TBCEL: variants seen among roughly 807,000 people sequenced by gnomAD.
TBCEL encodes tubulin-specific chaperone cofactor E-like protein.
TBCEL carries 15 observed loss-of-function variants against 44.2 expected under a neutral mutation model. The ratio of observed to expected loss-of-function variants is 0.34; its 90% confidence interval spans 0.23 to 0.52. The LOEUF (loss-of-function observed/expected upper bound fraction) is 0.52, where lower values mean the gene tolerates loss of function less well. Among genes scored for constraint, TBCEL ranks in the 20% least tolerant of loss-of-function variants. TBCEL has a pLI of 0.95. For missense variants in TBCEL, 319 were observed against 506.3 expected (o/e 0.63, Z 3.55); for synonymous variants, 171 against 185.4 (o/e 0.92, Z 0.63).
chr11:121,037,397 C>T, intron 2 of TBCEL, among the ~76,000 whole-genome samples: 1 of 152,066 alleles, frequency 6.6e-6, no homozygotes, highest in East Asian at 1.9e-4. Flanking sequence ...ACATAATGCT[C>T]AAGGGTAATA....
At chr11:121,070,747 A>G (rs973532466) in intron 8 of TBCEL, among the ~76,000 whole-genome samples, 7 of 151,952 alleles carry the variant, frequency 4.6e-5, no homozygotes, top group Admixed American at 2.6e-4. Flanking sequence ...AGAAATACCT[A>G]ATATAAATGA....
intron 2 of TBCEL, among the ~76,000 whole-genome samples, chr11:121,037,362 A>G (rs1945250030): frequency 6.6e-6 from 1 of 152,200 alleles, no homozygotes; most frequent in Admixed American, 6.5e-5. Flanking sequence ...TTTTCATCCA[A>G]AGAGAGCATC....
chr11:121,059,041 A>C (rs1434431988), intron 7 of TBCEL, among the ~76,000 whole-genome samples: 1 of 151,962 alleles, frequency 6.6e-6, no homozygotes, highest in Non-Finnish European at 1.5e-5. Flanking sequence ...CTTTAGCAGA[A>C]ATAAGATTTA....
At position 121,060,058 on chromosome 11, in the gene TBCEL, A is replaced by C. The variant is rs1451038219; in HGVS notation, c.929A>C (p.Asp310Ala). The stretch of plus-strand genomic sequence containing the variant: ...AGATTTTTTATTCGTTACTATGTGG[A>C]TGTTCCACAGGAAGAAGTGCCATTC... ...SERFFIRYYV[D>A]VPQEEVPFRY... is the part of the protein sequence containing the mutation. Residue 310 changes from aspartate (D) to alanine (A), a missense_variant, in exon 8 of 9, where the codon GAT (aspartate) becomes GCT (alanine). Asp to Ala is a moderately radical substitution (Grantham distance 126). Transcript: ENST00000683345. 6.2e-7 allele frequency: 1 copy of C among 1,611,518 alleles called. No homozygotes were observed. The highest frequency in any genetic ancestry group is 2.2e-5 in the East Asian group (1 of 44,798).
At chr11:121,058,064 T>C (rs1305059716) in intron 6 of TBCEL, among the ~76,000 whole-genome samples, 1 of 151,844 alleles carries the variant, frequency 6.6e-6, no homozygotes, top group Non-Finnish European at 1.5e-5. Flanking sequence ...CAGTGACCCC[T>C]CTTTATAAGT....
At chr11:121,063,210 C>A (rs1945757024) in intron 8 of TBCEL, among the ~76,000 whole-genome samples, 1 of 152,046 alleles carries the variant, frequency 6.6e-6, no homozygotes, top group African/African-American at 2.4e-5. Context: ...TTAGCTTCTG[C>A]AGGTGGGGTA....
intron 8 of TBCEL, among the ~76,000 whole-genome samples, chr11:121,060,973 A>C (rs1253222983): frequency 6.6e-6 from 1 of 151,880 alleles, no homozygotes; most frequent in Non-Finnish European, 1.5e-5. Flanking sequence ...AAAGTTCTCT[A>C]TTGTTTGTAG....
At chr11:121,046,387 A>G (rs968976345) in intron 3 of TBCEL, among the ~76,000 whole-genome samples, 23 of 152,230 alleles carry the variant, frequency 1.5e-4, no homozygotes, top group African/African-American at 5.3e-4. Flanking sequence ...TGTGCAAGGT[A>G]TATTTTTGCT....
intron 3 of TBCEL, among the ~76,000 whole-genome samples, chr11:121,047,234 G>A (rs1207017421): frequency 1.3e-5 from 2 of 152,026 alleles, no homozygotes; most frequent in South Asian, 2.1e-4. Flanking sequence ...AGATGATAGC[G>A]TGGATGAGGG....
At position 121,058,556 on chromosome 11, in the gene TBCEL, A is replaced by G. The variant is rs186188298; in HGVS notation, c.839+85A>G. On this transcript the variant is annotated intron_variant, in intron 7 of 8. Coordinates refer to ENST00000683345, the MANE Select transcript of TBCEL (RefSeq NM_001363644.2). ...ATAATGCACTGTTTAGTGGGAGTGCACTATGAAATTATTCATCCTTTGAGC... is the reference window on the plus strand; with the variant it reads ...ATAATGCACTGTTTAGTGGGAGTGCGCTATGAAATTATTCATCCTTTGAGC... 8.2e-5 allele frequency: 125 copies of G among 1,522,796 alleles called. No individual in the cohort carries two copies. The Admixed American group carries it at 2.2e-3, about 27-fold the overall frequency. 94.3% of individuals were successfully genotyped at this position (1,522,796 alleles called of 1,614,324 possible). A position where few individuals can be genotyped will look rare whatever the true frequency, so the allele number is the denominator to read the frequency against.
intron 4 of TBCEL, among the ~76,000 whole-genome samples, chr11:121,048,975 C>T (rs1328386534): frequency 1.3e-5 from 2 of 151,870 alleles, no homozygotes; most frequent in African/African-American, 2.4e-5. Flanking sequence ...GTCAGATTAT[C>T]GCAGAGCACC....
chr11:121,085,169 G>A (rs1467510702), intron 8 of TBCEL, among the ~76,000 whole-genome samples: 1 of 151,956 alleles, frequency 6.6e-6, no homozygotes, highest in African/African-American at 2.4e-5. Context: ...CTCCTGAGTA[G>A]CTGGGACTAC....
chr11:121,061,290 A>G (rs1185707473), intron 8 of TBCEL, among the ~76,000 whole-genome samples: 1 of 151,980 alleles, frequency 6.6e-6, no homozygotes, highest in Non-Finnish European at 1.5e-5. Context: ...TGTTAGATTA[A>G]TAAATATTAT....
At chr11:121,055,727 C>T (rs182825395) in intron 6 of TBCEL, among the ~76,000 whole-genome samples, 95 of 151,820 alleles carry the variant, frequency 6.3e-4, no homozygotes, top group African/African-American at 2.3e-3. Context: ...CAGTTTATTG[C>T]CATTTGATCC....
intron 1 of TBCEL, among the ~76,000 whole-genome samples, chr11:121,030,249 G>A (rs1393400466): frequency 6.6e-6 from 1 of 152,202 alleles, no homozygotes; most frequent in Non-Finnish European, 1.5e-5. Context: ...TGAGTAGTGG[G>A]CCAGGAAAGG....
chr11:121,057,074 A>C (rs1179127836), intron 6 of TBCEL, among the ~76,000 whole-genome samples: 1 of 151,782 alleles, frequency 6.6e-6, no homozygotes, highest in African/African-American at 2.4e-5. Context: ...TAAGTTTTAA[A>C]ATCCAGTGTT....
intron 4 of TBCEL, among the ~76,000 whole-genome samples, chr11:121,048,961 CAG>C (rs1279767018): frequency 3.3e-5 from 5 of 151,904 alleles, no homozygotes; most frequent in African/African-American, 9.7e-5. Context: ...GTCTCACAGA[CAG>C]AGTCAGATTA....
At chr11:121,040,755 C>T (rs562482766) in intron 2 of TBCEL, among the ~76,000 whole-genome samples, 79 of 151,994 alleles carry the variant, frequency 5.2e-4, no homozygotes, top group Non-Finnish European at 9.0e-4. Context: ...AGGTCATTTC[C>T]AGATATGTTA....
chr11:121,076,768 A>T (rs1431607172), intron 8 of TBCEL, among the ~76,000 whole-genome samples: 2 of 151,920 alleles, frequency 1.3e-5, no homozygotes, highest in Non-Finnish European at 2.9e-5. Flanking sequence ...TCATTACACC[A>T]CTAAAAGTGA....
Sources: allele counts gnomAD v4.1 joint callset (sites outside exome capture counted in the v4.1 genomes callset), GRCh38; gene constraint gnomAD v4.1.1; transcripts MANE v1.5; gene names NCBI Gene and HGNC (gene_info 2026-07-23, HGNC 2026-07-21).